The following EYS variants were observed in gnomAD, a reference collection of about 807,000 sequenced individuals.
EYS encodes EGF-like photoreceptor maintenance factor, also known as protein eyes shut homolog.
EYS carries 250 observed loss-of-function variants against 282.1 expected under a neutral mutation model. The ratio of observed to expected loss-of-function variants is 0.89; its 90% CI spans 0.80 to 0.98. The LOEUF (loss-of-function observed/expected upper bound fraction) is 0.98, where lower values mean the gene tolerates loss of function less well. Ranked by LOEUF, EYS falls within the 50% of genes least tolerant of loss-of-function variation. The pLI is 0.00. For missense variants in EYS, 4,016 were observed against 3,709.0 expected, an observed-to-expected ratio of 1.08 and a Z score of -2.15; for synonymous variants, 1,355 against 1,282.9, an observed-to-expected ratio of 1.06 and a Z score of -1.20.
intron 22 of EYS, among the ~76,000 whole-genome samples, chr6:64,728,266 A>T (rs1351378044): frequency 7.5e-6 from 1 of 132,768 alleles, no homozygotes; most frequent in Non-Finnish European, 1.5e-5. Flanking sequence ...AAACCTGTGT[A>T]AAAAAAAAAT....
At chr6:65,589,805 T>C (rs968371713) in intron 2 of EYS, among the ~76,000 whole-genome samples, 2 of 151,994 alleles carry the variant, frequency 1.3e-5, no homozygotes, top group African/African-American at 4.8e-5. Context: ...TATTTTCTAA[T>C]GTATTAGAAA....
At chr6:64,815,296 G>A in intron 21 of EYS, 1 of 378,090 alleles carries the variant, frequency 2.6e-6, no homozygotes, top group Non-Finnish European at 5.3e-6. Flanking sequence ...TTTTATTTAT[G>A]GAATAGAAAT....
chr6:65,342,967 G>A (rs1770253939), intron 10 of EYS, among the ~76,000 whole-genome samples: 1 of 151,010 alleles, frequency 6.6e-6, no homozygotes, highest in South Asian at 2.1e-4. Flanking sequence ...TTAATATACT[G>A]ATAAAGCTAA....
chr6:64,942,872 T>C (rs115719539), intron 15 of EYS, among the ~76,000 whole-genome samples: 2,067 of 146,798 alleles, frequency 0.014, 17 homozygotes, highest in Non-Finnish European at 0.022. Context: ...AACTCCTCCC[T>C]AATTCACTCT....
intron 36 of EYS, among the ~76,000 whole-genome samples, chr6:63,816,329 GAAC>G (rs1771177695): frequency 1.3e-5 from 2 of 152,042 alleles, no homozygotes; most frequent in Non-Finnish European, 2.9e-5. Flanking sequence ...GAATAATTAA[GAAC>G]AACAATCAGA....
In EYS at chr6:65,384,275, T is replaced by C; in HGVS notation, c.1299+111A>G. 5.8e-6 allele frequency: 4 copies of C among 688,554 alleles called. No individual in the cohort carries two copies. The South Asian group carries it at 6.2e-5, about 11-fold the overall frequency. 42.7% of individuals were successfully genotyped at this position (688,554 alleles called of 1,614,324 possible). A position where few individuals can be genotyped will look rare whatever the true frequency, so the allele number is the denominator to read the frequency against. On this transcript the variant is annotated intron_variant, in intron 8 of 42. Coordinates refer to ENST00000503581, the MANE Select transcript of EYS (RefSeq NM_001142800.2). ...CATAACTCACATTTAAATATAGATA[T>C]AAGGATATGTTTCTCTGGCTAAGAT... is the stretch of plus-strand genomic sequence containing the variant.
At chr6:64,584,961 C>G (rs1036851811) in intron 26 of EYS, among the ~76,000 whole-genome samples, 1 of 152,020 alleles carries the variant, frequency 6.6e-6, no homozygotes, top group African/African-American at 2.4e-5. Context: ...TTTGACCCAG[C>G]AATATCGTTA....
At chr6:64,706,800 A>G (rs1480720528) in intron 22 of EYS, among the ~76,000 whole-genome samples, 1 of 152,158 alleles carries the variant, frequency 6.6e-6, no homozygotes, top group African/African-American at 2.4e-5. Flanking sequence ...CAAAATAAAA[A>G]AAATCAAAAA....
At chr6:65,252,076 T>C (rs1404773135) in intron 12 of EYS, among the ~76,000 whole-genome samples, 1 of 151,922 alleles carries the variant, frequency 6.6e-6, no homozygotes, top group African/African-American at 2.4e-5. Flanking sequence ...TATATTGCCT[T>C]TTCTTTTGCT....
chr6:64,193,307 A>G (rs868446621), intron 31 of EYS, among the ~76,000 whole-genome samples: 2 of 151,504 alleles, frequency 1.3e-5, no homozygotes, highest in African/African-American at 4.8e-5. Context: ...ATGAGTTACT[A>G]TTGTTTTTTC....
intron 30 of EYS, among the ~76,000 whole-genome samples, chr6:64,231,301 T>G (rs1021942463): frequency 2.0e-5 from 3 of 152,158 alleles, no homozygotes; most frequent in African/African-American, 4.8e-5. Flanking sequence ...CCCTAATTTT[T>G]TTTTTACAAA....
chr6:63,976,666 T>G (rs1766849460), intron 35 of EYS, among the ~76,000 whole-genome samples: 2 of 152,104 alleles, frequency 1.3e-5, no homozygotes, highest in Non-Finnish European at 2.9e-5. Flanking sequence ...TTCATGCTGG[T>G]TGCTTTGTAT....
intron 22 of EYS, among the ~76,000 whole-genome samples, chr6:64,685,296 C>T (rs2349511): frequency 0.84 from 127,060 of 152,122 alleles, 53,187 homozygotes; most frequent in African/African-American, 0.85. Flanking sequence ...TTTATAAATA[C>T]TTGATTTAAA....
chr6:65,461,592 C>A (rs953881044), intron 5 of EYS, among the ~76,000 whole-genome samples: 1 of 152,078 alleles, frequency 6.6e-6, no homozygotes, highest in Non-Finnish European at 1.5e-5. Flanking sequence ...CCTAAACCTA[C>A]ACAATTAAAT....
At chr6:65,126,806 G>T (rs561397741) in intron 12 of EYS, among the ~76,000 whole-genome samples, 2 of 152,106 alleles carry the variant, frequency 1.3e-5, no homozygotes, top group Admixed American at 1.3e-4. Context: ...AAGTGCTGGC[G>T]TTCCAAAAAG....
At chr6:65,615,567 A>G (rs1766160850) in intron 2 of EYS, among the ~76,000 whole-genome samples, 1 of 152,034 alleles carries the variant, frequency 6.6e-6, no homozygotes, top group Non-Finnish European at 1.5e-5. Flanking sequence ...GACCAGATAT[A>G]TATATTTGAT....
chr6:65,379,595 T>C (rs1487355782), intron 8 of EYS, among the ~76,000 whole-genome samples: 2 of 152,064 alleles, frequency 1.3e-5, no homozygotes, highest in East Asian at 1.9e-4. Context: ...CTGTTCAACA[T>C]AATGTTGGAA....
chr6:65,094,336 A>T (rs890632601), intron 12 of EYS, among the ~76,000 whole-genome samples: 9 of 140,950 alleles, frequency 6.4e-5, no homozygotes, highest in African/African-American at 2.3e-4. Flanking sequence ...AAAAAAAAAA[A>T]GCAAACCGAG....
intron 33 of EYS, among the ~76,000 whole-genome samples, chr6:64,060,616 A>T (rs993615253): frequency 2.6e-5 from 4 of 152,214 alleles, no homozygotes; most frequent in African/African-American, 9.6e-5. Flanking sequence ...AACAACTGTG[A>T]GAAATGAGCT....
Sources: allele counts gnomAD v4.1 joint callset (sites outside exome capture counted in the v4.1 genomes callset), GRCh38; gene constraint gnomAD v4.1.1; transcripts MANE v1.5; gene names NCBI Gene and HGNC (gene_info 2026-07-23, HGNC 2026-07-21).